Variants in PRKCSH observed in about 807,000 individuals in gnomAD.
PRKCSH encodes PRKCSH beta subunit of glucosidase II, also known as glucosidase 2 subunit beta.
PRKCSH carries 42 observed loss-of-function variants against 79.7 expected under a neutral mutation model. The ratio of observed to expected loss-of-function variants is 0.53; its 90% CI spans 0.41 to 0.68. PRKCSH has a LOEUF of 0.68. Among genes scored for constraint, PRKCSH ranks in the 30% least tolerant of loss-of-function variants. PRKCSH has a pLI of 0.00. For synonymous variants in PRKCSH, 325 were observed against 288.2 expected (o/e 1.13, Z -1.29); for missense variants, 686 against 709.0 (o/e 0.97, Z 0.37).
chr19:11,449,254 GC>G lies in PRKCSH; in HGVS notation c.1462-9del, dbSNP rs746831492. 31 of 1,613,606 alleles carry G rather than the reference GC, an allele frequency of 1.9e-5. No homozygotes were observed. Among genetic ancestry groups the G allele is most frequent in the African/African-American group, 5.3e-5 (4 of 74,926 alleles). On this transcript the variant is annotated splice_polypyrimidine_tract_variant and intron_variant, in intron 16 of 17. Coordinates refer to ENST00000677123, the MANE Select transcript of PRKCSH (RefSeq NM_001289104.2). The surrounding 1 kb of genome is among the most constrained non-coding windows in gnomAD (Gnocchi z 6.4). ...GCCGAACCCTCTCGAGCACCCGTCT[GC>G]CCATCCCCAGGTGCGCCTCCTGTGC...
In PRKCSH at chr19:11,447,878, C is replaced by T. The variant is rs901649646; in HGVS notation, c.1126+89C>T. 3 of 1,396,124 alleles carry T rather than the reference C, an allele frequency of 2.1e-6. No homozygotes were observed. The highest frequency in any genetic ancestry group is 2.4e-5 in the Admixed American group (1 of 42,400). The allele number at this position is 1,396,124 out of a possible 1,614,324, so 86.5% of individuals were successfully genotyped here. On this transcript the variant is annotated intron_variant, in intron 12 of 17. Coordinates refer to ENST00000677123, the MANE Select transcript of PRKCSH (RefSeq NM_001289104.2). This position sits in a 1 kb window ranked among gnomAD's most constrained non-coding sequence, Gnocchi z 5.6. ...GTCGAGGGAAGATCCTGAGCTTAGACCCTGCTCTGACTCGGCCAGCACAAG... is the reference window on the plus strand; with the variant it reads ...GTCGAGGGAAGATCCTGAGCTTAGATCCTGCTCTGACTCGGCCAGCACAAG...
chr19:11,440,442 G>T (rs1214247537), intron 5 of PRKCSH, among the ~76,000 whole-genome samples: 1 of 139,756 alleles, frequency 7.2e-6, no homozygotes, highest in Admixed American at 7.2e-5. Flanking sequence ...GTGAGCCACC[G>T]CCCCTGGCCC....
chr19:11,448,351 G>C lies in PRKCSH; in HGVS notation c.1196+60G>C. 6.5e-7 allele frequency: 1 copy of C among 1,541,152 alleles called. No individual in the cohort carries two copies. Among genetic ancestry groups the C allele is most frequent in the Non-Finnish European group, 8.8e-7 (1 of 1,136,276 alleles). On this transcript the variant is annotated intron_variant, in intron 13 of 17. Coordinates refer to ENST00000677123, the MANE Select transcript of PRKCSH (RefSeq NM_001289104.2). The surrounding 1 kb of genome is among the most constrained non-coding windows in gnomAD (Gnocchi z 4.4). ...ACAGCGACTGCTCCTTGACTCCCAGGGGAGCTGGTGATGGGGAATCACTGA... is the reference window on the plus strand; with the variant it reads ...ACAGCGACTGCTCCTTGACTCCCAGCGGAGCTGGTGATGGGGAATCACTGA...
chr19:11,444,570 A>G (rs148457197), intron 7 of PRKCSH, among the ~76,000 whole-genome samples: 1 of 152,292 alleles, frequency 6.6e-6, no homozygotes, highest in African/African-American at 2.4e-5. Context: ...TTCTGTTTGT[A>G]GAGGACCAAG....
At chr19:11,436,325 C>T (rs1255214988) in intron 2 of PRKCSH, 64 bp from the exon 3 acceptor site, 9 of 1,574,958 alleles carry the variant, frequency 5.7e-6, no homozygotes, top group Middle Eastern at 1.7e-4. Flanking sequence ...GATGGGAGGA[C>T]AGAGGTGGTA....
In PRKCSH at chr19:11,449,270, G is replaced by A. The variant is rs747779158; in HGVS notation, c.1466G>A (p.Arg489His). The A allele has an allele frequency of 1.5e-5, 25 of 1,613,580 alleles. No homozygotes were observed. Among genetic ancestry groups the A allele is most frequent in the Middle Eastern group, 3.3e-4 (2 of 6,084 alleles). The change falls in exon 17 of 18, where the codon CGC (arginine) becomes CAC (histidine). Residue 489 changes from arginine to histidine, a missense_variant. Physicochemically the swap from Arg to His is conservative, Grantham distance 29. This residue lies in a region of PRKCSH where 137 missense variants were observed against 188.8 expected (regional missense o/e 0.73). Coordinates refer to ENST00000677123, the MANE Select transcript of PRKCSH (RefSeq NM_001289104.2). The surrounding 1 kb of genome is among the most constrained non-coding windows in gnomAD (Gnocchi z 6.4). ...WQGPNRSTTV[R>H]LLCGKETMVT... Reference sequence around the variant, plus strand: ...CACCCGTCTGCCCATCCCCAGGTGCGCCTCCTGTGCGGGAAAGAGACCATG... The same window carrying A: ...CACCCGTCTGCCCATCCCCAGGTGCACCTCCTGTGCGGGAAAGAGACCATG...
chr19:11,439,853 T>A (rs929922060), intron 5 of PRKCSH, among the ~76,000 whole-genome samples: 2 of 151,572 alleles, frequency 1.3e-5, no homozygotes, highest in Non-Finnish European at 2.9e-5. Context: ...ACTCCTGACC[T>A]CATGATCCAC....
At chr19:11,442,362 G>A in intron 6 of PRKCSH, 24 bp from the exon 7 acceptor site, 2 of 1,571,046 alleles carry the variant, frequency 1.3e-6, no homozygotes, top group East Asian at 2.3e-5. Flanking sequence ...AGGAGAGCTG[G>A]TCTCTTGCCT....
intron 5 of PRKCSH, among the ~76,000 whole-genome samples, chr19:11,438,869 C>A (rs1439244241): frequency 2.0e-5 from 3 of 151,672 alleles, no homozygotes; most frequent in East Asian, 3.9e-4. Flanking sequence ...TTCCTGCCAG[C>A]TGATCCTTTT....
chr19:11,438,468 G>A (rs910058584), intron 5 of PRKCSH, among the ~76,000 whole-genome samples: 9 of 152,154 alleles, frequency 5.9e-5, no homozygotes, highest in South Asian at 2.1e-4. Context: ...AGTATACAAC[G>A]GAAGGAGGCC....
At chr19:11,445,351 T>G in intron 7 of PRKCSH, 38 bp from the exon 8 acceptor site, 1 of 1,605,398 alleles carries the variant, frequency 6.2e-7, no homozygotes, top group Non-Finnish European at 8.5e-7. Flanking sequence ...TGGGAGCCGG[T>G]GGGTGGGCAG....
At chr19:11,450,444 T>G (rs1488684680) in intron 17 of PRKCSH, 1 of 151,264 alleles carries the variant, frequency 6.6e-6, no homozygotes, top group African/African-American at 2.4e-5. Flanking sequence ...GCTACTGCAC[T>G]CTCCAGCCTG....
At chr19:11,436,311 T>C in intron 2 of PRKCSH, 78 bp from the exon 3 acceptor site, 1 of 1,575,420 alleles carries the variant, frequency 6.3e-7, no homozygotes, top group South Asian at 1.1e-5. Context: ...GCTCCGCTGG[T>C]GGGGATGGGA....
At position 11,435,711 on chromosome 19, in the gene PRKCSH, G is replaced by A; in HGVS notation, c.-78+5G>A. 7.6e-7 allele frequency: 1 copy of A among 1,324,028 alleles called. No homozygotes were observed. The highest frequency in any genetic ancestry group is 9.9e-7 in the Non-Finnish European group (1 of 1,012,408). The allele number at this position is 1,324,028 out of a possible 1,614,324, so 82.0% of individuals were successfully genotyped here. Reference sequence around the variant, plus strand: ...TGACCTTTGCTCCGGCCTCGTGTAGGTGTGAACGAGCGGGTGGGAGGGCAC... The same window carrying A: ...TGACCTTTGCTCCGGCCTCGTGTAGATGTGAACGAGCGGGTGGGAGGGCAC... On this transcript the variant is annotated splice_donor_5th_base_variant and intron_variant, in intron 1 of 17. Coordinates refer to ENST00000677123, the MANE Select transcript of PRKCSH (RefSeq NM_001289104.2).
chr19:11,440,985 T>C (rs1970037196), intron 5 of PRKCSH: 3 of 455,960 alleles, frequency 6.6e-6, no homozygotes, highest in Non-Finnish European at 1.2e-5. Flanking sequence ...CTCTTGAGAG[T>C]TGATATCTAG....
At chr19:11,438,838 T>TAGGGGAAC (rs1045019497) in intron 5 of PRKCSH, among the ~76,000 whole-genome samples, 1 of 151,940 alleles carries the variant, frequency 6.6e-6, no homozygotes, top group African/African-American at 2.4e-5. Context: ...TTGTGGCATC[T>TAGGGGAAC]AGGGGAACAG....
At chr19:11,436,291 T>G (rs772681864) in intron 2 of PRKCSH, 95 bp downstream of exon 2, 8 of 1,584,032 alleles carry the variant, frequency 5.1e-6, no homozygotes, top group South Asian at 1.1e-5. Context: ...TGACTCAGTT[T>G]CCCGGTAGTG....
At position 11,447,760 on chromosome 19, in the gene PRKCSH, A is replaced by G. The variant is rs1318242509; in HGVS notation, c.1097A>G (p.Tyr366Cys). 5 of 1,593,266 alleles carry G rather than the reference A, an allele frequency of 3.1e-6. No individual in the cohort carries two copies. The highest frequency in any genetic ancestry group is 4.3e-6 in the Non-Finnish European group (5 of 1,170,798). ...GCTGAGGAAGACAAAATGCCGCCCT[A>G]CGACGAGCAGACGCAGGCCTTCATC... ...SPAEEDKMPP[Y>C]DEQTQAFIDA... Residue 366 changes from tyrosine (Y) to cysteine (C), a missense_variant, in exon 12 of 18, where the codon TAC becomes TGC. By Grantham distance (194) the Tyr-to-Cys change is radical. Transcript: ENST00000677123. This position sits in a 1 kb window ranked among gnomAD's most constrained non-coding sequence, Gnocchi z 5.6.
rs1234319803 is a variant in PRKCSH at position 11,435,638 on chromosome 19, T to C, written c.-146T>C. On this transcript the variant is annotated 5_prime_UTR_variant, in exon 1 of 18. Coordinates refer to ENST00000677123, the MANE Select transcript of PRKCSH (RefSeq NM_001289104.2). ...GGGGTCCAGAAATTTCCGCTTTCTT[T>C]CTGCAGCAGGAACCGCGGCTGCTGG... 3.2e-6 allele frequency: 4 copies of C among 1,254,994 alleles called. No individual in the cohort carries two copies. Among genetic ancestry groups the C allele is most frequent in the Non-Finnish European group, 4.2e-6 (4 of 956,854 alleles). 77.7% of individuals were successfully genotyped at this position (1,254,994 alleles called of 1,614,324 possible). A position where few individuals can be genotyped will look rare whatever the true frequency, so the allele number is the denominator to read the frequency against.
Sources: allele counts gnomAD v4.1 joint callset (sites outside exome capture counted in the v4.1 genomes callset), GRCh38; gene constraint gnomAD v4.1.1; regional missense constraint gnomAD v4.1.1; non-coding constraint Gnocchi (gnomAD v3.1); transcripts MANE v1.5; gene names NCBI Gene and HGNC (gene_info 2026-07-23, HGNC 2026-07-21).